The following DRC8 variants were observed in gnomAD, a reference collection of about 807,000 sequenced individuals.
DRC8 encodes the protein dynein regulatory complex protein 8.
chr1:245,052,002 C>A, the DRC8 span, among the ~76,000 whole-genome samples: 1 of 152,114 alleles, frequency 6.6e-6, no homozygotes, highest in South Asian at 2.1e-4. Context: ...GTGCAGTTCA[C>A]ATCTGTTGAG....
At chr1:244,997,788 G>A in the DRC8 span, among the ~76,000 whole-genome samples, 7 of 152,034 alleles carry the variant, frequency 4.6e-5, no homozygotes, top group South Asian at 2.1e-4. Flanking sequence ...CAGGTGATCC[G>A]CCCACCTCGG....
chr1:245,000,509 C>CATTCTATTA, the DRC8 span, among the ~76,000 whole-genome samples: 3 of 152,018 alleles, frequency 2.0e-5, no homozygotes, highest in Non-Finnish European at 4.4e-5. Context: ...TGGCCAGGCA[C>CATTCTATTA]GGTGGTTCAA....
the DRC8 span, among the ~76,000 whole-genome samples, chr1:245,000,044 C>T: frequency 6.6e-6 from 1 of 152,216 alleles, no homozygotes; most frequent in South Asian, 2.1e-4. Flanking sequence ...GTCTTGAACT[C>T]TTGACCTCAG....
the DRC8 span, chr1:244,970,201 T>G: frequency 3.0e-4 from 219 of 739,864 alleles, no homozygotes; most frequent in East Asian, 6.1e-3. Flanking sequence ...AGACGGGGCC[T>G]CTGGTCTTCC....
chr1:245,072,051 T>TA, the DRC8 span, among the ~76,000 whole-genome samples: 17 of 152,210 alleles, frequency 1.1e-4, no homozygotes, highest in African/African-American at 4.1e-4. Context: ...TCTTACCACA[T>TA]AACCCAGCAC....
the DRC8 span, among the ~76,000 whole-genome samples, chr1:245,113,518 C>G: frequency 1.3e-5 from 2 of 152,076 alleles, no homozygotes; most frequent in African/African-American, 4.8e-5. Context: ...TGGTTATTGT[C>G]TGAAATGGCA....
the DRC8 span, among the ~76,000 whole-genome samples, chr1:245,039,961 G>A: frequency 1.3e-5 from 2 of 152,160 alleles, no homozygotes; most frequent in Admixed American, 6.5e-5. Flanking sequence ...TTTCCCCACA[G>A]CAAAGTTATG....
chr1:245,056,382 G>A, the DRC8 span, among the ~76,000 whole-genome samples: 12 of 152,104 alleles, frequency 7.9e-5, no homozygotes, highest in East Asian at 5.8e-4. Flanking sequence ...TGCAACCTCC[G>A]CCTCCTGCGT....
the DRC8 span, among the ~76,000 whole-genome samples, chr1:245,106,002 C>A: frequency 6.6e-6 from 1 of 152,136 alleles, no homozygotes; most frequent in African/African-American, 2.4e-5. Context: ...TCACTTGAGC[C>A]CAGGAGTTCG....
chr1:245,072,448 A>G, the DRC8 span, among the ~76,000 whole-genome samples: 1 of 152,096 alleles, frequency 6.6e-6, no homozygotes, highest in Non-Finnish European at 1.5e-5. Context: ...ATGTTGCCCA[A>G]GCTGAGCTCA....
chr1:245,018,054 C>CT, the DRC8 span, among the ~76,000 whole-genome samples: 2 of 151,402 alleles, frequency 1.3e-5, no homozygotes, highest in Admixed American at 1.3e-4. Flanking sequence ...TGGTGAAACT[C>CT]TGTCTCTACT....
At chr1:245,115,618 A>G in the DRC8 span, among the ~76,000 whole-genome samples, 1 of 152,222 alleles carries the variant, frequency 6.6e-6, no homozygotes, top group Non-Finnish European at 1.5e-5. Context: ...AGCATGGCAC[A>G]CCAAACTATG....
the DRC8 span, among the ~76,000 whole-genome samples, chr1:245,056,453 G>C: frequency 6.6e-6 from 1 of 152,140 alleles, no homozygotes; most frequent in Non-Finnish European, 1.5e-5. Flanking sequence ...GAGGAACATG[G>C]AGGCTTCTGT....
the DRC8 span, chr1:245,086,783 G>A: frequency 1.9e-6 from 1 of 533,628 alleles, no homozygotes; most frequent in Middle Eastern, 3.2e-4. Flanking sequence ...AAGGTGGGGA[G>A]CTGTGAAGTG....
chr1:245,033,104 A>G, the DRC8 span, among the ~76,000 whole-genome samples: 1 of 152,218 alleles, frequency 6.6e-6, no homozygotes, highest in Non-Finnish European at 1.5e-5. Context: ...GCGGCCTCAC[A>G]GCACGGCTAG....
At chr1:245,032,636 G>T in the DRC8 span, among the ~76,000 whole-genome samples, 3 of 152,156 alleles carry the variant, frequency 2.0e-5, no homozygotes, top group Non-Finnish European at 4.4e-5. Context: ...TATTATTTGA[G>T]TTCTGTAACG....
the DRC8 span, among the ~76,000 whole-genome samples, chr1:244,994,941 G>A: frequency 1.3e-5 from 2 of 152,164 alleles, no homozygotes; most frequent in Non-Finnish European, 2.9e-5. Flanking sequence ...ACTTCTTAGT[G>A]TTTTCTTGCC....
chr1:244,971,377 C>T, the DRC8 span, among the ~76,000 whole-genome samples: 2 of 152,218 alleles, frequency 1.3e-5, no homozygotes, highest in Admixed American at 1.3e-4. Flanking sequence ...CTTAAGGTCG[C>T]CAGTTCGGAG....
chr1:245,100,399 T>TAATA, the DRC8 span, among the ~76,000 whole-genome samples: 1 of 150,824 alleles, frequency 6.6e-6, no homozygotes, highest in Non-Finnish European at 1.5e-5. Context: ...GTAGTAGTAA[T>TAATA]AATAATAATA....
Sources: gnomAD v4.1 joint callset for allele counts (sites outside exome capture counted in the v4.1 genomes callset) on GRCh38, gnomAD v4.1.1 for gene constraint, MANE v1.5 for transcripts, NCBI Gene and HGNC (gene_info 2026-07-23, HGNC 2026-07-21) for gene names.